The following ARK2C variants were observed in gnomAD, a reference collection of about 807,000 sequenced individuals.
The protein encoded by ARK2C is E3 ubiquitin-protein ligase ARK2C.
At chr18:46,398,336 G>A in the ARK2C span, among the ~76,000 whole-genome samples, 3 of 151,788 alleles carry the variant, frequency 2.0e-5, no homozygotes, top group East Asian at 1.9e-4. Flanking sequence ...AAGCAGGTAG[G>A]GAGGGGGAGC....
At chr18:46,336,967 G>A in the ARK2C span, 1 of 985,366 alleles carries the variant, frequency 1.0e-6, no homozygotes, top group Non-Finnish European at 1.2e-6. Context: ...GGCTTAAGTG[G>A]GAGCCATGGC....
At chr18:46,428,587 G>A in the ARK2C span, among the ~76,000 whole-genome samples, 1 of 152,182 alleles carries the variant, frequency 6.6e-6, no homozygotes, top group African/African-American at 2.4e-5. Context: ...CAAAATGGAA[G>A]TCACTCACCT....
the ARK2C span, chr18:46,447,494 T>A: frequency 1.3e-6 from 2 of 1,581,342 alleles, no homozygotes; most frequent in Non-Finnish European, 1.7e-6. Context: ...AGGCTTGATG[T>A]CTGAGGTCCC....
At chr18:46,383,025 C>G in the ARK2C span, among the ~76,000 whole-genome samples, 34 of 152,278 alleles carry the variant, frequency 2.2e-4, no homozygotes, top group Non-Finnish European at 4.7e-4. Context: ...ACCCCCTAGC[C>G]TGCTGGGCCA....
chr18:46,373,744 G>A, the ARK2C span, among the ~76,000 whole-genome samples: 1 of 152,158 alleles, frequency 6.6e-6, no homozygotes, highest in Non-Finnish European at 1.5e-5. Context: ...AGGTGTGGGG[G>A]GAATTGTTAT....
chr18:46,452,563 AG>A, the ARK2C span, among the ~76,000 whole-genome samples: 1 of 152,200 alleles, frequency 6.6e-6, no homozygotes, highest in Admixed American at 6.5e-5. Context: ...TACAGGCATG[AG>A]CCACCATGCC....
At chr18:46,446,537 G>A in the ARK2C span, among the ~76,000 whole-genome samples, 7 of 151,810 alleles carry the variant, frequency 4.6e-5, no homozygotes, top group African/African-American at 1.5e-4. Flanking sequence ...CGGGCGTGGT[G>A]TGGCATGCCT....
At chr18:46,351,602 G>T in the ARK2C span, among the ~76,000 whole-genome samples, 2 of 152,230 alleles carry the variant, frequency 1.3e-5, no homozygotes, top group Admixed American at 1.3e-4. Flanking sequence ...AGAAATATCC[G>T]CTCATGAGGG....
the ARK2C span, among the ~76,000 whole-genome samples, chr18:46,367,557 G>A: frequency 6.6e-6 from 1 of 152,182 alleles, no homozygotes; most frequent in East Asian, 1.9e-4. Flanking sequence ...TGGACCCATT[G>A]CCTTGTGCCC....
At chr18:46,422,068 G>A in the ARK2C span, among the ~76,000 whole-genome samples, 1 of 152,274 alleles carries the variant, frequency 6.6e-6, no homozygotes, top group African/African-American at 2.4e-5. Context: ...TGAGACTGGA[G>A]CAAAAGAGGT....
chr18:46,400,707 C>T, the ARK2C span, among the ~76,000 whole-genome samples: 1,422 of 152,222 alleles, frequency 9.3e-3, 19 homozygotes, highest in African/African-American at 0.033. Context: ...GACAGCCTGT[C>T]GGGAAGCCTC....
the ARK2C span, chr18:46,450,680 A>T: frequency 6.3e-7 from 1 of 1,576,338 alleles, no homozygotes; most frequent in Non-Finnish European, 8.7e-7. Flanking sequence ...CTGAGCACAC[A>T]TGTGCACATT....
At chr18:46,422,808 C>T in the ARK2C span, among the ~76,000 whole-genome samples, 1 of 152,330 alleles carries the variant, frequency 6.6e-6, no homozygotes, top group Admixed American at 6.5e-5. Context: ...AGTTAGTGGG[C>T]CTCTGCATGG....
the ARK2C span, among the ~76,000 whole-genome samples, chr18:46,340,078 C>A: frequency 6.6e-6 from 1 of 152,224 alleles, no homozygotes; most frequent in Non-Finnish European, 1.5e-5. Context: ...CAATCCTACT[C>A]CACAACTGTC....
chr18:46,352,761 G>A, the ARK2C span, among the ~76,000 whole-genome samples: 1 of 152,198 alleles, frequency 6.6e-6, no homozygotes, highest in Non-Finnish European at 1.5e-5. Context: ...ACCCTTAGCT[G>A]TAAAGGAAGC....
chr18:46,454,830 A>C, the ARK2C span, among the ~76,000 whole-genome samples: 1 of 152,230 alleles, frequency 6.6e-6, no homozygotes, highest in African/African-American at 2.4e-5. Flanking sequence ...AGATGTGAAC[A>C]TGAAAGGTGG....
the ARK2C span, among the ~76,000 whole-genome samples, chr18:46,421,995 G>T: frequency 1.2e-4 from 18 of 152,278 alleles, no homozygotes; most frequent in African/African-American, 4.3e-4. Flanking sequence ...AGATAGAGAG[G>T]GAGGAAAGCA....
chr18:46,433,282 TTC>T, the ARK2C span: 1 of 1,610,960 alleles, frequency 6.2e-7, no homozygotes. Flanking sequence ...CGCTCCCGAC[TTC>T]CCGCTGGCCC....
At chr18:46,382,597 A>G in the ARK2C span, among the ~76,000 whole-genome samples, 1 of 152,182 alleles carries the variant, frequency 6.6e-6, no homozygotes, top group East Asian at 1.9e-4. Context: ...CAGCAGGCTC[A>G]GTTAGCCTTG....
Sources: allele counts gnomAD v4.1 joint callset (sites outside exome capture counted in the v4.1 genomes callset), GRCh38; gene constraint gnomAD v4.1.1; transcripts MANE v1.5; gene names NCBI Gene and HGNC (gene_info 2026-07-23, HGNC 2026-07-21).